Variants in DYTN observed in about 807,000 individuals in gnomAD.
The protein encoded by DYTN is dystrotelin.
DYTN carries 75 observed loss-of-function variants against 69.6 expected under a neutral mutation model. The ratio of observed to expected loss-of-function variants is 1.08; its 90% CI spans 0.89 to 1.31. The LOEUF (loss-of-function observed/expected upper bound fraction) is 1.31. Ranked by LOEUF, DYTN falls within the 50% of genes most tolerant of loss-of-function variation. The pLI is 0.00. For synonymous variants in DYTN, 252 were observed against 249.1 expected (o/e 1.01, Z -0.11); for missense variants, 726 against 688.4 (o/e 1.05, Z -0.61).
chr2:206,665,118 G>A (rs977302372), intron 10 of DYTN, among the ~76,000 whole-genome samples: 2 of 152,160 alleles, frequency 1.3e-5, no homozygotes, highest in Non-Finnish European at 2.9e-5. Flanking sequence ...TCTGTGTGAG[G>A]CCTGATTTCT....
At chr2:206,700,106 G>A (rs1360863851) in intron 6 of DYTN, 39 bp downstream of exon 6, 6 of 1,610,158 alleles carry the variant, frequency 3.7e-6, no homozygotes, top group Non-Finnish European at 5.1e-6. Context: ...AATACACCGT[G>A]TCTGTCCCCA....
intron 2 of DYTN, 41 bp from the exon 3 acceptor site, chr2:206,707,544 G>A (rs1259820123): frequency 7.1e-6 from 11 of 1,544,394 alleles, no homozygotes; most frequent in Non-Finnish European, 8.8e-6. Context: ...ATTTTCTGAT[G>A]GGAACAAAAG....
intron 5 of DYTN, among the ~76,000 whole-genome samples, chr2:206,701,673 T>G (rs1329029989): frequency 6.6e-6 from 1 of 152,084 alleles, no homozygotes; most frequent in African/African-American, 2.4e-5. Context: ...GGTAGAAACT[T>G]TCAGTTATAA....
rs1699957655 is a variant in DYTN at position 206,699,834 on chromosome 2, A to C, written c.612T>G (p.Pro204=). The C allele has an allele frequency of 1.2e-6, 2 of 1,613,746 alleles. No individual in the cohort carries two copies. Residue 204 remains proline (P), a synonymous_variant, in exon 7 of 12, where the codon CCT becomes CCG. Coordinates refer to ENST00000452335, the MANE Select transcript of DYTN (RefSeq NM_001093730.1). ...AGGTCGGGAGCCACAGGAGGATGGG[A>C]GGCTCAGATTGGACCCAAGACAGGA... is the stretch of plus-strand genomic sequence containing the variant. ...EKFLSWVQSE[P]PILLWLPTCH... is the part of the protein sequence containing the mutation.
chr2:206,704,778 C>A, intron 5 of DYTN, 65 bp downstream of exon 5: 1 of 1,395,228 alleles, frequency 7.2e-7, no homozygotes, highest in Non-Finnish European at 1.0e-6. Flanking sequence ...ACATCAGATT[C>A]TTTAATAATA....
chr2:206,656,844 C>T (rs974489938), intron 11 of DYTN, among the ~76,000 whole-genome samples: 5 of 151,000 alleles, frequency 3.3e-5, no homozygotes, highest in African/African-American at 4.9e-5. Flanking sequence ...TTCACCGCAA[C>T]CTCTGCCTCC....
intron 9 of DYTN, among the ~76,000 whole-genome samples, chr2:206,675,224 A>C (rs1453113136): frequency 7.0e-6 from 1 of 143,658 alleles, no homozygotes; most frequent in Non-Finnish European, 1.5e-5. Context: ...AGTGTATTTA[A>C]ATATATATGT....
intron 7 of DYTN, among the ~76,000 whole-genome samples, chr2:206,698,627 C>T (rs1699945236): frequency 6.6e-6 from 1 of 152,188 alleles, no homozygotes; most frequent in Middle Eastern, 3.2e-3. Flanking sequence ...TTCTCTTCTC[C>T]CAAGCTTTAA....
At chr2:206,675,804 T>TTA (rs1395755568) in intron 9 of DYTN, among the ~76,000 whole-genome samples, 1 of 152,124 alleles carries the variant, frequency 6.6e-6, no homozygotes. Context: ...AAGAAGACAT[T>TTA]TATGTGGCCA....
intron 9 of DYTN, among the ~76,000 whole-genome samples, chr2:206,691,352 G>A (rs567364652): frequency 7.2e-5 from 11 of 152,100 alleles, no homozygotes; most frequent in East Asian, 5.8e-4. Context: ...GGCAGAGGTC[G>A]CAGCGAGCCG....
chr2:206,700,524 T>A (rs1400144414), intron 5 of DYTN, among the ~76,000 whole-genome samples: 3 of 152,210 alleles, frequency 2.0e-5, no homozygotes, highest in African/African-American at 7.2e-5. Flanking sequence ...ATTTTATCCT[T>A]TCTTTGCCTT....
chr2:206,683,864 G>T (rs1699779067), intron 9 of DYTN, among the ~76,000 whole-genome samples: 1 of 151,860 alleles, frequency 6.6e-6, no homozygotes, highest in African/African-American at 2.4e-5. Flanking sequence ...TCAAAACTTT[G>T]ATCAAATGTC....
At chr2:206,701,637 G>A (rs185449515) in intron 5 of DYTN, among the ~76,000 whole-genome samples, 101 of 152,276 alleles carry the variant, frequency 6.6e-4, no homozygotes, top group Non-Finnish European at 1.3e-3. Flanking sequence ...TGAGGACAGG[G>A]ATAAATGAGA....
At chr2:206,653,497 C>A (rs1362184230) in intron 11 of DYTN, among the ~76,000 whole-genome samples, 3 of 152,124 alleles carry the variant, frequency 2.0e-5, no homozygotes, top group Non-Finnish European at 4.4e-5. Flanking sequence ...CAAAATAATT[C>A]ACTTAAATGT....
chr2:206,663,024 C>T lies in DYTN; in HGVS notation c.1512G>A (p.Leu504=). 6.2e-7 allele frequency: 1 copy of T among 1,613,826 alleles called. No individual in the cohort carries two copies. Among genetic ancestry groups the T allele is most frequent in the Non-Finnish European group, 8.5e-7 (1 of 1,179,876 alleles). The change falls in exon 11 of 12, where the codon CTG becomes CTA. Residue 504 remains leucine (L), a synonymous_variant. Coordinates refer to ENST00000452335, the MANE Select transcript of DYTN (RefSeq NM_001093730.1). ...MVPAEMSSPA[L]AAVEKKEAGN... ...CTGCCTCTTTCTTTTCCACGGCTGCCAGAGCAGGACTGCTCATTTCAGCAG... is the reference window on the plus strand; with the variant it reads ...CTGCCTCTTTCTTTTCCACGGCTGCTAGAGCAGGACTGCTCATTTCAGCAG...
At chr2:206,668,485 A>C (rs769994633) in intron 9 of DYTN, among the ~76,000 whole-genome samples, 1 of 152,216 alleles carries the variant, frequency 6.6e-6, no homozygotes, top group African/African-American at 2.4e-5. Flanking sequence ...TTATCTACTC[A>C]TAACAAACAA....
chr2:206,709,460 GACAC>G (rs141839059), intron 2 of DYTN, among the ~76,000 whole-genome samples: 1 of 148,628 alleles, frequency 6.7e-6, no homozygotes, highest in East Asian at 2.0e-4. Flanking sequence ...CACACACACA[GACAC>G]ACACACACAC....
chr2:206,707,448 C>T lies in DYTN; in HGVS notation c.150G>A (p.Trp50Ter), dbSNP rs868385899. The stretch of plus-strand genomic sequence containing the variant: ...CAGAAAGGGAGTGCTTGCGAGCTTC[C>T]CAGAAACTTGGACGCAGTAGGACCT... ...IQQVLLRPSFWEARKHSLSVQ... is the reference protein window; with the variant it reads ...IQQVLLRPSF The change falls in exon 3 of 12, where the codon TGG (tryptophan) becomes TGA (stop). Residue 50 changes from tryptophan to a stop codon, truncating the protein, a stop_gained. Coordinates refer to ENST00000452335, the MANE Select transcript of DYTN (RefSeq NM_001093730.1). LOFTEE classifies it high-confidence loss of function. 5.0e-6 allele frequency: 8 copies of T among 1,612,748 alleles called. No individual in the cohort carries two copies. The highest frequency in any genetic ancestry group is 6.8e-6 in the Non-Finnish European group (8 of 1,179,532).
rs1012733652 is a variant in DYTN, at chr2:206,658,155, G to C, written c.1633+4748C>G. Among the ~76,000 whole-genome samples, 4 of 151,462 alleles carry C rather than the reference G, an allele frequency of 2.6e-5. No individual in the cohort carries two copies. In the East Asian group the frequency reaches 5.8e-4, roughly 22 times the overall value. On this transcript the variant is annotated intron_variant, in intron 11 of 11. Coordinates refer to ENST00000452335, the MANE Select transcript of DYTN (RefSeq NM_001093730.1). ...TTGAACACTTCTATTGAAATTTTTA[G>C]TTCAATTATTACATTCTTCAGCTCC...
Sources: gnomAD v4.1 joint callset for allele counts (sites outside exome capture counted in the v4.1 genomes callset) on GRCh38, gnomAD v4.1.1 for gene constraint, MANE v1.5 for transcripts, NCBI Gene and HGNC (gene_info 2026-07-23, HGNC 2026-07-21) for gene names.